The following PDPN variants were observed in gnomAD, a reference collection of about 807,000 sequenced individuals.
PDPN encodes podoplanin.
A neutral mutation model predicts 23.2 loss-of-function variants in PDPN; 12 were observed. That is an observed-to-expected ratio of 0.52 (90% confidence interval 0.33 to 0.84). The LOEUF is 0.84. Among genes scored for constraint, PDPN ranks in the 40% least tolerant of loss-of-function variants. PDPN has a pLI of 0.02. For missense variants in PDPN, 199 were observed against 212.2 expected, an observed-to-expected ratio of 0.94 and a Z score of 0.39; for synonymous variants, 77 against 76.7, an observed-to-expected ratio of 1.00 and a Z score of -0.02.
intron 5 of PDPN, 175 bp downstream of exon 5, chr1:13,614,586 CA>C (rs1641020409): frequency 2.2e-5 from 12 of 555,482 alleles, no homozygotes; most frequent in Admixed American, 6.3e-5. Context: ...GACCCTGTCT[CA>C]AAAAAATAAT....
Position 13,584,077 on chromosome 1 carries a change from C to T in PDPN, c.44C>T (p.Ser15Leu). Reference sequence around the variant, plus strand: ...CTGCTCTTCGTTTTGGGAAGCGCGTCGCTCTGGGTCCTGGCAGAAGGAGGT... The same window carrying T: ...CTGCTCTTCGTTTTGGGAAGCGCGTTGCTCTGGGTCCTGGCAGAAGGAGGT... Reference protein sequence around the residue: ...SALLFVLGSASLWVLAEGAST... With the variant: ...SALLFVLGSALLWVLAEGAST... The change falls in exon 1 of 6, where the codon TCG becomes TTG. Residue 15 changes from serine (S) to leucine (L), a missense_variant. Coordinates refer to ENST00000621990, the MANE Select transcript of PDPN (RefSeq NM_006474.5). 1.2e-6 allele frequency: 2 copies of T among 1,613,054 alleles called. No individual in the cohort carries two copies. Among genetic ancestry groups the T allele is most frequent in the Non-Finnish European group, 8.5e-7 (1 of 1,179,958 alleles).
chr1:13,599,903 T>C (rs1402743690), intron 1 of PDPN, among the ~76,000 whole-genome samples: 4 of 152,186 alleles, frequency 2.6e-5, no homozygotes, highest in African/African-American at 4.8e-5. Context: ...CTGCCTTAAC[T>C]TGCACAGTTA....
intron 3 of PDPN, among the ~76,000 whole-genome samples, chr1:13,611,385 ATAT>A (rs35990822): frequency 0.4 from 60,754 of 151,666 alleles, 12,543 homozygotes; most frequent in South Asian, 0.51. Flanking sequence ...ATATGACGGA[ATAT>A]TATTCAGCCT....
At chr1:13,600,066 TAAG>T (rs1173907528) in intron 1 of PDPN, among the ~76,000 whole-genome samples, 1 of 152,150 alleles carries the variant, frequency 6.6e-6, no homozygotes, top group Non-Finnish European at 1.5e-5. Context: ...GGTCATTAAA[TAAG>T]ACTGGAAGAT....
chr1:13,615,611 G>A (rs1010203619), intron 5 of PDPN, among the ~76,000 whole-genome samples: 2 of 152,080 alleles, frequency 1.3e-5, no homozygotes, highest in Non-Finnish European at 2.9e-5. Context: ...ATATGAGTTG[G>A]AGGGATGATA....
chr1:13,615,480 G>T (rs979151255), intron 5 of PDPN, among the ~76,000 whole-genome samples: 21 of 151,946 alleles, frequency 1.4e-4, no homozygotes, highest in African/African-American at 4.6e-4. Flanking sequence ...TAGAGATAGG[G>T]TTTCACCATG....
chr1:13,594,409 AG>A (rs1239272388), intron 1 of PDPN, among the ~76,000 whole-genome samples: 1 of 152,184 alleles, frequency 6.6e-6, no homozygotes, highest in Non-Finnish European at 1.5e-5. Context: ...TGCCCTTGGC[AG>A]CCCCTCCTCA....
At chr1:13,608,531 A>G (rs1000762665) in intron 2 of PDPN, among the ~76,000 whole-genome samples, 1 of 152,184 alleles carries the variant, frequency 6.6e-6, no homozygotes, top group Admixed American at 6.5e-5. Flanking sequence ...CACTGCCCAG[A>G]TCTTTCCATG....
chr1:13,601,515 C>T (rs1158676472), intron 1 of PDPN, among the ~76,000 whole-genome samples: 1 of 152,210 alleles, frequency 6.6e-6, no homozygotes, highest in Non-Finnish European at 1.5e-5. Context: ...TGCTATCCTG[C>T]CTACTTAATT....
chr1:13,609,520 T>C (rs1640880101), intron 2 of PDPN, among the ~76,000 whole-genome samples: 1 of 152,126 alleles, frequency 6.6e-6, no homozygotes, highest in Non-Finnish European at 1.5e-5. Context: ...ATTCACATCA[T>C]TAAACCGATC....
At chr1:13,591,835 C>T (rs1271020717) in intron 1 of PDPN, among the ~76,000 whole-genome samples, 5 of 152,350 alleles carry the variant, frequency 3.3e-5, no homozygotes, top group Admixed American at 6.5e-5. Flanking sequence ...GCTGGGACTA[C>T]AGGCGTATGC....
At chr1:13,602,828 A>G (rs1640681832) in intron 1 of PDPN, among the ~76,000 whole-genome samples, 1 of 151,996 alleles carries the variant, frequency 6.6e-6, no homozygotes, top group African/African-American at 2.4e-5. Context: ...TCAGCCTCCG[A>G]AAGTGCTGGG....
chr1:13,591,606 A>G (rs184935054), intron 1 of PDPN, among the ~76,000 whole-genome samples: 62 of 152,264 alleles, frequency 4.1e-4, no homozygotes, highest in African/African-American at 1.3e-3. Flanking sequence ...GAATCACACA[A>G]TATGTGGCCT....
chr1:13,599,118 C>G (rs1033917176), intron 1 of PDPN, among the ~76,000 whole-genome samples: 1 of 150,542 alleles, frequency 6.6e-6, no homozygotes, highest in Admixed American at 6.6e-5. Flanking sequence ...TCAAGGGATT[C>G]CCCTGCCTCT....
intron 1 of PDPN, among the ~76,000 whole-genome samples, chr1:13,588,640 CTATATAT>C (rs1403223608): frequency 2.7e-5 from 4 of 146,416 alleles, no homozygotes; most frequent in Non-Finnish European, 6.0e-5. Context: ...AAATATATAA[CTATATAT>C]TATATATTTA....
intron 5 of PDPN, among the ~76,000 whole-genome samples, chr1:13,615,280 C>T (rs979317361): frequency 7.8e-5 from 11 of 141,782 alleles, no homozygotes; most frequent in African/African-American, 3.1e-4. Context: ...CTTTTTCTTT[C>T]TCTTTCTTTT....
chr1:13,584,149 G>A (rs768427575), intron 1 of PDPN, 49 bp downstream of exon 1: 4 of 1,595,400 alleles, frequency 2.5e-6, no homozygotes, highest in Non-Finnish European at 3.4e-6. Flanking sequence ...GGGGACGAGC[G>A]AGCAGAGACT....
intron 1 of PDPN, chr1:13,584,412 C>A: frequency 9.2e-7 from 1 of 1,083,650 alleles, no homozygotes; most frequent in Non-Finnish European, 1.3e-6. Context: ...TCACAGTAGG[C>A]AGCCCCGCTT....
chr1:13,605,320 A>G (rs990680639), intron 1 of PDPN, among the ~76,000 whole-genome samples: 11 of 152,200 alleles, frequency 7.2e-5, no homozygotes, highest in South Asian at 6.2e-4. Context: ...TACACAAAGA[A>G]ATTTCCAAGC....
Sources: gnomAD v4.1 joint callset for allele counts (sites outside exome capture counted in the v4.1 genomes callset) on GRCh38, gnomAD v4.1.1 for gene constraint, MANE v1.5 for transcripts, NCBI Gene and HGNC (gene_info 2026-07-23, HGNC 2026-07-21) for gene names.